THUMPD2: variants seen among roughly 807,000 people sequenced by gnomAD.
The protein encoded by THUMPD2 is THUMP domain 2 tRNA and snRNA guanosine methyltransferase.
In THUMPD2, 56 loss-of-function variants were observed where a neutral mutation model predicts 49.4. The ratio of observed to expected loss-of-function variants is 1.13; its 90% CI spans 0.91 to 1.41. The LOEUF is 1.41. THUMPD2 is among the 40% of genes most tolerant of loss of function. The pLI is 0.00. For missense variants in THUMPD2, 709 were observed against 594.5 expected, an observed-to-expected ratio of 1.19 and a Z score of -2.00; for synonymous variants, 237 against 205.2, an observed-to-expected ratio of 1.15 and a Z score of -1.32.
intron 9 of THUMPD2, among the ~76,000 whole-genome samples, chr2:39,737,807 G>A (rs1435960771): frequency 6.6e-6 from 1 of 152,198 alleles, no homozygotes; most frequent in Non-Finnish European, 1.5e-5. Flanking sequence ...AGCGGCTGCA[G>A]CAAGGGAGGG....
chr2:39,768,763 A>T, intron 3 of THUMPD2: 1 of 738,314 alleles, frequency 1.4e-6, no homozygotes, highest in South Asian at 1.8e-5. Context: ...TTTTAGGTAT[A>T]TGAAATAACT....
chr2:39,752,149 T>C (rs907712096), intron 8 of THUMPD2, among the ~76,000 whole-genome samples: 1 of 152,242 alleles, frequency 6.6e-6, no homozygotes, highest in Non-Finnish European at 1.5e-5. Context: ...TTCCTAGGTA[T>C]ACCAACATAC....
At chr2:39,765,891 A>G (rs1220500254) in intron 5 of THUMPD2, among the ~76,000 whole-genome samples, 166 bp downstream of exon 5, 1 of 152,218 alleles carries the variant, frequency 6.6e-6, no homozygotes, top group Non-Finnish European at 1.5e-5. Flanking sequence ...AATCATATCC[A>G]CTAAGTTCCG....
chr2:39,773,511 C>G (rs1678614899), intron 1 of THUMPD2, among the ~76,000 whole-genome samples: 1 of 146,218 alleles, frequency 6.8e-6, no homozygotes, highest in South Asian at 2.2e-4. Flanking sequence ...ATCCGATGAG[C>G]TTTCTCTAAC....
intron 4 of THUMPD2, 169 bp from the exon 5 acceptor site, chr2:39,766,278 G>A (rs1482207487): frequency 2.4e-5 from 11 of 460,944 alleles, no homozygotes; most frequent in Admixed American, 4.5e-5. Flanking sequence ...TTTTTCTTAA[G>A]CAGAAGGAAA....
chr2:39,743,150 T>A (rs1252912901), intron 9 of THUMPD2, among the ~76,000 whole-genome samples: 1 of 152,220 alleles, frequency 6.6e-6, no homozygotes, highest in Non-Finnish European at 1.5e-5. Context: ...TTTTTCTCCA[T>A]CTAAAACACA....
intron 8 of THUMPD2, among the ~76,000 whole-genome samples, chr2:39,753,588 C>A (rs1172148369): frequency 6.6e-6 from 1 of 152,120 alleles, no homozygotes; most frequent in Non-Finnish European, 1.5e-5. Context: ...AATAATCGTG[C>A]GAAATTTAAC....
chr2:39,744,511 G>T, intron 8 of THUMPD2, 33 bp from the exon 9 acceptor site: 3 of 1,345,132 alleles, frequency 2.2e-6, no homozygotes, highest in Non-Finnish European at 3.1e-6. Flanking sequence ...TCCTATTACA[G>T]TAGGGTCAAA....
chr2:39,767,408 TC>T, intron 4 of THUMPD2, among the ~76,000 whole-genome samples: 1 of 150,812 alleles, frequency 6.6e-6, no homozygotes, highest in Non-Finnish European at 1.5e-5. Context: ...ATCGAGACCA[TC>T]CCGGCTAAAA....
chr2:39,768,695 G>T, intron 3 of THUMPD2, 194 bp from the exon 4 acceptor site: 1 of 670,048 alleles, frequency 1.5e-6, no homozygotes, highest in Non-Finnish European at 2.5e-6. Flanking sequence ...ACCTGCCCTA[G>T]CCCCCAGTAC....
chr2:39,749,309 C>G (rs1675065981), intron 8 of THUMPD2, among the ~76,000 whole-genome samples: 1 of 152,134 alleles, frequency 6.6e-6, no homozygotes, highest in Non-Finnish European at 1.5e-5. Flanking sequence ...ATTGACTTAA[C>G]TGATTATCTT....
chr2:39,744,290 C>A (rs1420115463), intron 9 of THUMPD2, 80 bp downstream of exon 9: 2 of 738,964 alleles, frequency 2.7e-6, no homozygotes, highest in Admixed American at 3.8e-5. Context: ...AGCAATCAGA[C>A]CTTAACTGAA....
chr2:39,767,599 G>A (rs1367923719), intron 4 of THUMPD2, among the ~76,000 whole-genome samples: 5 of 29,884 alleles, frequency 1.7e-4, no homozygotes, highest in South Asian at 1.3e-3. Context: ...GCGAGACTCC[G>A]TCTCAAAAAA....
rs146568509 is a variant in THUMPD2 at position 39,769,723 on chromosome 2, G to A, written c.659C>T (p.Ala220Val). 3 of 1,567,594 alleles carry A rather than the reference G, an allele frequency of 1.9e-6. No individual in the cohort carries two copies. In the African/African-American group the frequency reaches 4.2e-5, roughly 22 times the overall value. The change falls in exon 3 of 10, where the codon GCC becomes GTC. Residue 220 changes from alanine to valine, a missense_variant. By Grantham distance (64) the Ala-to-Val change is moderately conservative (BLOSUM62 0). Coordinates refer to ENST00000505747, the MANE Select transcript of THUMPD2 (RefSeq NM_025264.5). ...SCRCSGTIGK[A>V]FTAQEVGKVI... ...ATGCAAGCATACCTGTGCAGTGAAG[G>A]CCTTTCCAATAGTTCCACTGCAGCG... is the stretch of plus-strand genomic sequence containing the variant.
chr2:39,763,953 C>T (rs1677170756), intron 5 of THUMPD2, among the ~76,000 whole-genome samples: 1 of 152,078 alleles, frequency 6.6e-6, no homozygotes, highest in Non-Finnish European at 1.5e-5. Flanking sequence ...TATGTCCCAA[C>T]TACACTGAAA....
chr2:39,757,373 T>C (rs1329543809), intron 6 of THUMPD2: 5 of 1,303,206 alleles, frequency 3.8e-6, no homozygotes, highest in Non-Finnish European at 5.1e-6. Context: ...TGGTACCTAA[T>C]GGAAAGAAAC....
chr2:39,739,998 G>A (rs1270783895), intron 9 of THUMPD2, among the ~76,000 whole-genome samples: 1 of 152,144 alleles, frequency 6.6e-6, no homozygotes, highest in East Asian at 1.9e-4. Flanking sequence ...GAATAACAGT[G>A]ATAATAATGG....
At position 39,771,501 on chromosome 2, in the gene THUMPD2, A is replaced by G. The variant is rs1678310954; in HGVS notation, c.262+4T>C. On this transcript the variant is annotated splice_donor_region_variant and intron_variant, in intron 2 of 9. Transcript: ENST00000505747. ...AAAGCAACATGCATATGAATATGCC[A>G]TACCTTTACTTACAGAAGAAATAAT... 1 of 1,596,206 alleles carries G rather than the reference A, an allele frequency of 6.3e-7. No individual in the cohort carries two copies. Among genetic ancestry groups the G allele is most frequent in the African/African-American group, 1.4e-5 (1 of 73,594 alleles).
chr2:39,752,629 A>G (rs12712654), intron 8 of THUMPD2, among the ~76,000 whole-genome samples: 19,068 of 152,200 alleles, frequency 0.13, 1,520 homozygotes, highest in African/African-American at 0.22. Flanking sequence ...ACTTAATACT[A>G]AGAGGTTGTG....
Sources: allele counts gnomAD v4.1 joint callset (sites outside exome capture counted in the v4.1 genomes callset), GRCh38; gene constraint gnomAD v4.1.1; transcripts MANE v1.5; gene names NCBI Gene and HGNC (gene_info 2026-07-23, HGNC 2026-07-21).